BLZF1: variants seen among roughly 807,000 people sequenced by gnomAD.
The protein encoded by BLZF1 is golgin-45.
Under a neutral mutation model 43.8 loss-of-function variants are expected in BLZF1, and 39 were observed. That is an observed-to-expected ratio of 0.89 (90% CI 0.69 to 1.16). The LOEUF (loss-of-function observed/expected upper bound fraction) is 1.16. BLZF1 is among the 50% of genes most tolerant of loss of function. The pLI, the probability that BLZF1 is intolerant of heterozygous loss-of-function variation, is 0.00. For synonymous variants in BLZF1, 136 were observed against 159.4 expected, an observed-to-expected ratio of 0.85 and a Z score of 1.11; for missense variants, 449 against 469.8, an observed-to-expected ratio of 0.96 and a Z score of 0.41.
chr1:169,395,272 T>C, intron 7 of BLZF1: 1 of 1,377,362 alleles, frequency 7.3e-7, no homozygotes, highest in East Asian at 2.5e-5. Flanking sequence ...TGCTATAAAG[T>C]TACTATTATA....
chr1:169,391,570 A>G (rs1396625030), downstream of BLZF1, among the ~76,000 whole-genome samples: 6 of 152,210 alleles, frequency 3.9e-5, no homozygotes, highest in South Asian at 4.1e-4. Flanking sequence ...CATTTCTGCA[A>G]CCGGTTACAG....
chr1:169,392,870 A>C (rs1035531990), downstream of BLZF1, among the ~76,000 whole-genome samples: 2 of 152,190 alleles, frequency 1.3e-5, no homozygotes, highest in Admixed American at 1.3e-4. Flanking sequence ...TACCGAGAGC[A>C]TGGAAGTTCC....
Position 169,387,128 on chromosome 1 carries a change from AAAT to A in BLZF1, c.1151_1153del (p.Asn384del), listed in dbSNP as rs1654699529. The A allele has an allele frequency of 6.2e-7, 1 of 1,613,342 alleles. No homozygotes were observed. The highest frequency in any genetic ancestry group is 1.7e-5 in the Admixed American group (1 of 59,804). On this transcript the variant is annotated inframe_deletion, in exon 7 of 7. Coordinates refer to ENST00000367808, the MANE Select transcript of BLZF1 (RefSeq NM_001320973.2). ...GATTTCATCCCTATACTAGATATGA[AAAT>A]ATAACTTTCAATTGCTGCAATCACT... is the stretch of plus-strand genomic sequence containing the variant.
At chr1:169,384,816 A>T (rs1452273281) in intron 6 of BLZF1, among the ~76,000 whole-genome samples, 1 of 152,140 alleles carries the variant, frequency 6.6e-6, no homozygotes, top group Non-Finnish European at 1.5e-5. Flanking sequence ...TCTTTACTGT[A>T]TTAAATTATA....
At chr1:169,389,052 G>A (rs1021529322), downstream of BLZF1, among the ~76,000 whole-genome samples, 6 of 152,244 alleles carry the variant, frequency 3.9e-5, no homozygotes, top group South Asian at 1.0e-3. Flanking sequence ...AACCTGGGAG[G>A]CGGAGGTTGT....
In BLZF1 at chr1:169,380,474, T is replaced by C; in HGVS notation, c.669-7T>C. On this transcript the variant is annotated splice_region_variant and splice_polypyrimidine_tract_variant and intron_variant, in intron 4 of 6. Coordinates refer to ENST00000367808, the MANE Select transcript of BLZF1 (RefSeq NM_001320973.2). Reference sequence around the variant, plus strand: ...AAATTTATATGTAAGATTTTAATCTTTTTCAGGGTAATGGCAGATGAGTTA... The same window carrying C: ...AAATTTATATGTAAGATTTTAATCTCTTTCAGGGTAATGGCAGATGAGTTA... 6.2e-7 allele frequency: 1 copy of C among 1,606,750 alleles called. No homozygotes were observed. Among genetic ancestry groups the C allele is most frequent in the Non-Finnish European group, 8.5e-7 (1 of 1,175,294 alleles).
At chr1:169,377,067 T>A in intron 3 of BLZF1, 88 bp downstream of exon 3, 3 of 1,070,996 alleles carry the variant, frequency 2.8e-6, no homozygotes, top group Non-Finnish European at 4.1e-6. Context: ...CATTTCTTTA[T>A]GGGAATGTCA....
chr1:169,376,515 TTC>T, intron 2 of BLZF1, 23 bp from the exon 3 acceptor site: 1 of 1,556,828 alleles, frequency 6.4e-7, no homozygotes, highest in Non-Finnish European at 8.7e-7. Context: ...GGTAAGTAGT[TTC>T]TGTTTTGTTT....
Position 169,380,622 on chromosome 1 carries a change from T to C in BLZF1, c.797+13T>C, listed in dbSNP as rs372203530. The C allele has an allele frequency of 1.2e-6, 2 of 1,611,486 alleles. No homozygotes were observed. The highest frequency in any genetic ancestry group is 1.7e-5 in the Admixed American group (1 of 59,750). ...TAGCTACCCAGAAGTATGGCACTTG[T>C]TTACATTCTGAACTCTTCTGCTTTC... On this transcript the variant is annotated intron_variant, in intron 5 of 6. Coordinates refer to ENST00000367808, the MANE Select transcript of BLZF1 (RefSeq NM_001320973.2).
chr1:169,382,038 G>T, intron 5 of BLZF1, 24 bp from the exon 6 acceptor site: 2 of 1,565,682 alleles, frequency 1.3e-6, no homozygotes, highest in South Asian at 1.2e-5. Context: ...TACTATGTCC[G>T]GTGTTCATGT....
chr1:169,371,098 T>C (rs1206577490), intron 2 of BLZF1, among the ~76,000 whole-genome samples: 1 of 152,214 alleles, frequency 6.6e-6, no homozygotes, highest in Non-Finnish European at 1.5e-5. Context: ...AGAAAGATCA[T>C]GCTAATAAAT....
intron 4 of BLZF1, among the ~76,000 whole-genome samples, chr1:169,379,697 T>G (rs973694689): frequency 6.6e-6 from 1 of 152,070 alleles, no homozygotes; most frequent in African/African-American, 2.4e-5. Flanking sequence ...ATTTTAATTT[T>G]AAATTTTTCA....
At chr1:169,375,622 TTTC>T (rs939873078) in intron 2 of BLZF1, among the ~76,000 whole-genome samples, 1 of 151,186 alleles carries the variant, frequency 6.6e-6, no homozygotes, top group African/African-American at 2.4e-5. Flanking sequence ...AGGTAGTAAA[TTTC>T]TTAAGCATAG....
chr1:169,383,830 T>G (rs1220241921), intron 6 of BLZF1, among the ~76,000 whole-genome samples: 1 of 152,134 alleles, frequency 6.6e-6, no homozygotes, highest in Non-Finnish European at 1.5e-5. Flanking sequence ...ATTCACTACT[T>G]TTGTGACCAT....
intron 6 of BLZF1, among the ~76,000 whole-genome samples, chr1:169,385,372 A>T (rs1654638195): frequency 6.6e-6 from 1 of 152,072 alleles, no homozygotes; most frequent in South Asian, 2.1e-4. Context: ...ATGTCTGCTT[A>T]TGCATACTGC....
chr1:169,375,339 TATAA>T (rs1210207666), intron 2 of BLZF1, among the ~76,000 whole-genome samples: 1 of 96,554 alleles, frequency 1.0e-5, no homozygotes, highest in Non-Finnish European at 2.4e-5. Flanking sequence ...CACATATATA[TATAA>T]AACATATATA....
chr1:169,373,499 T>G (rs1438997594), intron 2 of BLZF1, among the ~76,000 whole-genome samples: 1 of 152,172 alleles, frequency 6.6e-6, no homozygotes, highest in East Asian at 1.9e-4. Context: ...ATTACGAAAG[T>G]TACCAGGTGA....
chr1:169,375,393 C>T (rs1395103251), intron 2 of BLZF1, among the ~76,000 whole-genome samples: 53 of 85,824 alleles, frequency 6.2e-4, no homozygotes, highest in South Asian at 8.1e-4. Context: ...ATATATAAAA[C>T]ATATATATAT....
chr1:169,381,945 A>G (rs1053301099), intron 5 of BLZF1, 117 bp from the exon 6 acceptor site: 1 of 787,460 alleles, frequency 1.3e-6, no homozygotes. Flanking sequence ...TGAGAGAGAA[A>G]GGGATCAGAG....
Sources: allele counts gnomAD v4.1 joint callset (sites outside exome capture counted in the v4.1 genomes callset), GRCh38; gene constraint gnomAD v4.1.1; transcripts MANE v1.5; gene names NCBI Gene and HGNC (gene_info 2026-07-23, HGNC 2026-07-21).